USP34: variants seen among roughly 807,000 people sequenced by gnomAD.
USP34 encodes the protein ubiquitin specific peptidase 34.
Under a neutral mutation model 460.3 loss-of-function variants are expected in USP34, and 70 were observed. The observed-to-expected ratio is 0.15, with a 90% confidence interval of 0.13 to 0.19. The LOEUF (loss-of-function observed/expected upper bound fraction) is 0.19. Ranked by LOEUF, USP34 falls within the 10% of genes least tolerant of loss-of-function variation. The pLI is 1.00. For synonymous variants in USP34, 1,647 were observed against 1,405.3 expected, an observed-to-expected ratio of 1.17 and a Z score of -3.85; for missense variants, 3,985 against 4,236.2, an observed-to-expected ratio of 0.94 and a Z score of 1.65.
intron 1 of USP34, among the ~76,000 whole-genome samples, chr2:61,449,576 G>C (rs1368125816): frequency 6.0e-5 from 9 of 150,050 alleles, no homozygotes; most frequent in Admixed American, 5.3e-4. Flanking sequence ...TTATTACAAA[G>C]CCACAGCAAT....
chr2:61,319,809 A>C (rs1690860790), intron 21 of USP34, among the ~76,000 whole-genome samples: 1 of 152,146 alleles, frequency 6.6e-6, no homozygotes, highest in African/African-American at 2.4e-5. Flanking sequence ...CGGCCACTGC[A>C]CTCCAGCCAG....
intron 3 of USP34, among the ~76,000 whole-genome samples, chr2:61,405,244 A>AG (rs1278356022): frequency 1.3e-5 from 2 of 149,082 alleles, no homozygotes; most frequent in Non-Finnish European, 3.0e-5. Flanking sequence ...AAAAAAAAAA[A>AG]AAAAAAAAAA....
At chr2:61,415,849 C>T (rs1694178470) in intron 2 of USP34, among the ~76,000 whole-genome samples, 1 of 152,116 alleles carries the variant, frequency 6.6e-6, no homozygotes. Context: ...TGCTGCCCAC[C>T]TAAATAAAAT....
intron 10 of USP34, among the ~76,000 whole-genome samples, chr2:61,368,237 T>C (rs1362363383): frequency 6.6e-6 from 1 of 152,046 alleles, no homozygotes; most frequent in Non-Finnish European, 1.5e-5. Context: ...ATTGAGACCA[T>C]CTTGGCCAAC....
intron 1 of USP34, among the ~76,000 whole-genome samples, chr2:61,439,505 A>T (rs907416693): frequency 3.3e-5 from 5 of 152,150 alleles, no homozygotes; most frequent in African/African-American, 7.2e-5. Flanking sequence ...ATTTCTTGGA[A>T]GGCCCAGTGC....
intron 50 of USP34, among the ~76,000 whole-genome samples, chr2:61,245,718 A>C (rs567963753): frequency 6.6e-6 from 1 of 152,248 alleles, no homozygotes; most frequent in East Asian, 1.9e-4. Context: ...GAAGGAGTGA[A>C]AAATAACTCA....
chr2:61,464,108 C>A (rs895546855), intron 1 of USP34, among the ~76,000 whole-genome samples: 1 of 152,218 alleles, frequency 6.6e-6, no homozygotes, highest in Non-Finnish European at 1.5e-5. Context: ...CACCTGACAT[C>A]ATTAGTTCAA....
chr2:61,223,040 G>C lies in USP34; in HGVS notation c.7749+20C>G, dbSNP rs1687632731. On this transcript the variant is annotated intron_variant, in intron 64 of 79. Transcript: ENST00000398571. ...TTTTAAAATTTCCAAAAATCTTTAA[G>C]ACTGTTCCTTAGCACTTACATGTTC... The C allele has an allele frequency of 1.3e-6, 2 of 1,593,842 alleles. No homozygotes were observed. The highest frequency in any genetic ancestry group is 1.7e-6 in the Non-Finnish European group (2 of 1,167,114).
At chr2:61,410,125 A>G (rs1693996054) in intron 2 of USP34, among the ~76,000 whole-genome samples, 2 of 152,226 alleles carry the variant, frequency 1.3e-5, no homozygotes, top group African/African-American at 4.8e-5. Context: ...ATTCAAACAC[A>G]TTACATCTAT....
chr2:61,340,214 ACT>A (rs1491489863), intron 16 of USP34, among the ~76,000 whole-genome samples: 8 of 129,860 alleles, frequency 6.2e-5, no homozygotes, highest in African/African-American at 1.4e-4. Context: ...TTAAAAAAAA[ACT>A]TAACACTATT....
chr2:61,374,465 A>T (rs554014820), intron 8 of USP34, among the ~76,000 whole-genome samples: 1 of 152,304 alleles, frequency 6.6e-6, no homozygotes, highest in East Asian at 1.9e-4. Context: ...ACTCACAGAC[A>T]TGCACATAGC....
At chr2:61,196,164 T>C (rs925403903) in intron 75 of USP34, among the ~76,000 whole-genome samples, 5 of 136,038 alleles carry the variant, frequency 3.7e-5, no homozygotes. Context: ...CACTGCAGCC[T>C]CCACCTCCCG....
intron 10 of USP34, among the ~76,000 whole-genome samples, chr2:61,362,164 A>G (rs1480247293): frequency 6.6e-6 from 1 of 152,206 alleles, no homozygotes; most frequent in Non-Finnish European, 1.5e-5. Flanking sequence ...GATAAATGTT[A>G]GCAAGAAATG....
intron 1 of USP34, among the ~76,000 whole-genome samples, chr2:61,459,912 A>G (rs923957052): frequency 6.6e-6 from 1 of 152,152 alleles, no homozygotes; most frequent in Non-Finnish European, 1.5e-5. Flanking sequence ...ATACAAAAAA[A>G]TTAGCTGGAC....
intron 67 of USP34, among the ~76,000 whole-genome samples, chr2:61,219,324 C>T (rs1687491543): frequency 6.6e-6 from 1 of 152,144 alleles, no homozygotes; most frequent in Non-Finnish European, 1.5e-5. Context: ...GCCCTAAAAT[C>T]AGTGATTTCT....
chr2:61,401,064 T>G (rs760332770), intron 3 of USP34, among the ~76,000 whole-genome samples: 5 of 145,144 alleles, frequency 3.4e-5, no homozygotes, highest in Non-Finnish European at 6.0e-5. Flanking sequence ...GGCAGGAGAA[T>G]CGCCTGAACC....
At chr2:61,229,516 A>G in intron 59 of USP34, 32 bp downstream of exon 59, 2 of 1,485,638 alleles carry the variant, frequency 1.3e-6, no homozygotes, top group Non-Finnish European at 1.9e-6. Context: ...CACAACACAG[A>G]CACACAAACT....
intron 1 of USP34, among the ~76,000 whole-genome samples, chr2:61,427,950 G>A (rs6711692): frequency 0.13 from 19,782 of 151,972 alleles, 1,655 homozygotes; most frequent in East Asian, 0.38. Context: ...ATCACCTGAA[G>A]TCAGGAGTTT....
chr2:61,380,669 A>G (rs577222998), intron 6 of USP34, among the ~76,000 whole-genome samples: 1 of 152,334 alleles, frequency 6.6e-6, no homozygotes, highest in South Asian at 2.1e-4. Context: ...GGTGTAATCT[A>G]TTTCTACACC....
Sources: allele counts gnomAD v4.1 joint callset (sites outside exome capture counted in the v4.1 genomes callset), GRCh38; gene constraint gnomAD v4.1.1; transcripts MANE v1.5; gene names NCBI Gene and HGNC (gene_info 2026-07-23, HGNC 2026-07-21).